Variants in FAM161A observed in about 807,000 individuals in gnomAD.
FAM161A encodes the protein protein FAM161A.
FAM161A carries 57 observed loss-of-function variants against 70.9 expected under a neutral mutation model. That is an observed-to-expected ratio of 0.80 (90% CI 0.65 to 1.00). The LOEUF is 1.00. Among genes scored for constraint, FAM161A ranks in the 50% least tolerant of loss-of-function variants. FAM161A has a pLI of 0.00. For synonymous variants in FAM161A, 299 were observed against 295.7 expected (o/e 1.01, Z -0.12); for missense variants, 880 against 836.0 (o/e 1.05, Z -0.65).
At chr2:61,844,923 C>T (rs561221280) in intron 1 of FAM161A, among the ~76,000 whole-genome samples, 180 of 152,202 alleles carry the variant, frequency 1.2e-3, no homozygotes, top group African/African-American at 4.1e-3. Flanking sequence ...ACTGGAGACA[C>T]ATGGTTGGAC....
the FAM161A span, among the ~76,000 whole-genome samples, chr2:61,810,418 A>G: frequency 6.1e-5 from 9 of 147,742 alleles, no homozygotes; most frequent in Non-Finnish European, 1.3e-4. Context: ...TCACTGGCCA[A>G]TGGTTCCCTG....
rs1672366402 is a variant in FAM161A, at chr2:61,826,402, A to T, written c.*53T>A. ...GTTCTAAACACAAATGCGGCTGCTG[A>T]CACCCTGACGCTGCAAACAACAGCA... On this transcript the variant is annotated 3_prime_UTR_variant, in exon 7 of 7. Coordinates refer to ENST00000404929, the MANE Select transcript of FAM161A (RefSeq NM_001201543.2). 1 of 1,594,042 alleles carries T rather than the reference A, an allele frequency of 6.3e-7. No homozygotes were observed. The highest frequency in any genetic ancestry group is 1.3e-5 in the African/African-American group (1 of 74,522).
At chr2:61,828,870 T>C (rs756508447) in intron 5 of FAM161A, among the ~76,000 whole-genome samples, 10 of 152,196 alleles carry the variant, frequency 6.6e-5, no homozygotes, top group Non-Finnish European at 1.3e-4. Context: ...GCAGGCTTTA[T>C]GGAGCCACAT....
the FAM161A span, among the ~76,000 whole-genome samples, chr2:61,811,430 G>A: frequency 2.0e-5 from 3 of 151,830 alleles, no homozygotes; most frequent in African/African-American, 7.3e-5. Flanking sequence ...CTGGAGCACA[G>A]TGGTGCAATC....
At chr2:61,849,108 A>ACT (rs1269029369) in intron 1 of FAM161A, among the ~76,000 whole-genome samples, 23 of 74,890 alleles carry the variant, frequency 3.1e-4, no homozygotes, top group Non-Finnish European at 4.8e-4. Flanking sequence ...ATATATATTT[A>ACT]TATATATATT....
chr2:61,840,300 G>C lies in FAM161A; in HGVS notation c.704C>G (p.Thr235Arg). The C allele has an allele frequency of 6.2e-7, 1 of 1,614,008 alleles. No individual in the cohort carries two copies. Among genetic ancestry groups the C allele is most frequent in the Non-Finnish European group, 8.5e-7 (1 of 1,180,006 alleles). ...RRKKRKEWVPTITVPEPFQMM... is the reference protein window; with the variant it reads ...RRKKRKEWVPRITVPEPFQMM... ...TTGAAAAGGCTCCGGTACTGTAATT[G>C]TGGGCACCCATTCTTTTCGTTTCTT... Residue 235 changes from threonine (T) to arginine (R), a missense_variant, in exon 3 of 7, where the codon ACA becomes AGA. Thr to Arg is a moderately conservative substitution (Grantham distance 71). Transcript: ENST00000404929.
intron 5 of FAM161A, among the ~76,000 whole-genome samples, chr2:61,834,099 C>G (rs955656561): frequency 6.6e-6 from 1 of 152,136 alleles, no homozygotes; most frequent in Non-Finnish European, 1.5e-5. Context: ...GACATGGTAA[C>G]AACCCAGCCC....
downstream of FAM161A, among the ~76,000 whole-genome samples, chr2:61,823,671 T>A (rs1361716878): frequency 6.6e-6 from 1 of 152,076 alleles, no homozygotes; most frequent in East Asian, 1.9e-4. Flanking sequence ...CAGACTTCCA[T>A]CATATTTATA....
At chr2:61,851,652 GTCA>G (rs746556210) in intron 1 of FAM161A, among the ~76,000 whole-genome samples, 7 of 152,144 alleles carry the variant, frequency 4.6e-5, no homozygotes, top group Non-Finnish European at 7.4e-5. Flanking sequence ...CGTTACCTGT[GTCA>G]TCATCAGTCA....
At chr2:61,816,821 G>A in the FAM161A span, among the ~76,000 whole-genome samples, 34,291 of 151,880 alleles carry the variant, frequency 0.23, 4,048 homozygotes, top group African/African-American at 0.28. Flanking sequence ...TACTTGCCTC[G>A]GCAATCACAT....
Position 61,827,138 on chromosome 2 carries a change from GA to G in FAM161A, c.1971del (p.Gln658LysfsTer19). 1 of 1,613,816 alleles carries G rather than the reference GA, an allele frequency of 6.2e-7. No individual in the cohort carries two copies. The highest frequency in any genetic ancestry group is 8.5e-7 in the Non-Finnish European group (1 of 1,179,962). Reference protein sequence around the residue: ...QSGKVLEYFNNQETKSVTEDK... With the variant: ...QSGKVLEYFNXQETKSVTEDK... The stretch of plus-strand genomic sequence containing the variant: ...TCTTCAGTGACACTTTTCGTCTCTT[GA>G]TTGTTGAAGTACTCAAGTACTTTTC... On this transcript the variant is annotated frameshift_variant, in exon 6 of 7. Coordinates refer to ENST00000404929, the MANE Select transcript of FAM161A (RefSeq NM_001201543.2). LOFTEE classifies it high-confidence loss of function.
intron 1 of FAM161A, among the ~76,000 whole-genome samples, chr2:61,848,577 T>A (rs1348245272): frequency 6.6e-6 from 1 of 151,700 alleles, no homozygotes; most frequent in Non-Finnish European, 1.5e-5. Flanking sequence ...TTGACCCATT[T>A]AGATAATGAA....
At chr2:61,800,777 G>C in the FAM161A span, among the ~76,000 whole-genome samples, 1 of 152,118 alleles carries the variant, frequency 6.6e-6, no homozygotes. Flanking sequence ...CATAAAATGT[G>C]TCTTAAAGAT....
At chr2:61,809,768 A>G in the FAM161A span, among the ~76,000 whole-genome samples, 1 of 152,116 alleles carries the variant, frequency 6.6e-6, no homozygotes, top group Admixed American at 6.5e-5. Flanking sequence ...CCCTGCTTTA[A>G]TGAAAAGAAT....
intron 4 of FAM161A, 136 bp downstream of exon 4, chr2:61,838,402 T>C: frequency 1.4e-6 from 1 of 736,004 alleles, no homozygotes; most frequent in South Asian, 2.0e-5. Flanking sequence ...TGAACACAAG[T>C]AACTGATGAC....
chr2:61,846,068 G>A (rs544388327), intron 1 of FAM161A, among the ~76,000 whole-genome samples: 119 of 130,974 alleles, frequency 9.1e-4, no homozygotes, highest in Admixed American at 2.7e-3. Context: ...TAGCTTCGGC[G>A]ATCAAGCAAG....
rs375742156 is a variant in FAM161A, at chr2:61,836,077, T to A, written c.1784A>T (p.Gln595Leu). ...KSEKERMREY[Q>L]RELEEREEKL... ...TTCTTCTCTTTCTTCTAGTTCTCGTTGGTATTCTCTCATCCTTTCCTTTTC... is the reference window on the plus strand; with the variant it reads ...TTCTTCTCTTTCTTCTAGTTCTCGTAGGTATTCTCTCATCCTTTCCTTTTC... Residue 595 changes from glutamine to leucine, a missense_variant, in exon 5 of 7, where the codon CAA becomes CTA. Physicochemically the swap from Gln to Leu is moderately radical, Grantham distance 113. Coordinates refer to ENST00000404929, the MANE Select transcript of FAM161A (RefSeq NM_001201543.2). 5.0e-6 allele frequency: 8 copies of A among 1,611,112 alleles called. No homozygotes were observed. The African/African-American group carries it at 9.4e-5, about 19-fold the overall frequency.
At chr2:61,828,019 C>A (rs1672439652) in intron 5 of FAM161A, among the ~76,000 whole-genome samples, 1 of 152,114 alleles carries the variant, frequency 6.6e-6, no homozygotes, top group Non-Finnish European at 1.5e-5. Context: ...CAGAAATGGG[C>A]AAAACAACTA....
At chr2:61,850,963 C>T (rs768323819) in intron 1 of FAM161A, among the ~76,000 whole-genome samples, 5 of 152,142 alleles carry the variant, frequency 3.3e-5, no homozygotes, top group African/African-American at 7.2e-5. Context: ...CAACCTCCAC[C>T]TCTCGGGTTC....
Sources: gnomAD v4.1 joint callset for allele counts (sites outside exome capture counted in the v4.1 genomes callset) on GRCh38, gnomAD v4.1.1 for gene constraint, MANE v1.5 for transcripts, NCBI Gene and HGNC (gene_info 2026-07-23, HGNC 2026-07-21) for gene names.